The following SNTG1 variants were observed in gnomAD, a reference collection of about 807,000 sequenced individuals.
The protein encoded by SNTG1 is syntrophin gamma 1.
In SNTG1, 39 loss-of-function variants were observed where a neutral mutation model predicts 74.7. The observed-to-expected ratio is 0.52, with a 90% CI of 0.40 to 0.68. The LOEUF (loss-of-function observed/expected upper bound fraction) is 0.68. SNTG1 is among the 30% of genes least tolerant of loss of function. SNTG1 has a pLI of 0.00. For synonymous variants in SNTG1, 254 were observed against 217.1 expected (o/e 1.17, Z -1.49); for missense variants, 685 against 609.5 (o/e 1.12, Z -1.30).
chr8:50,350,805 C>A (rs1053690731), intron 2 of SNTG1, among the ~76,000 whole-genome samples: 2 of 152,138 alleles, frequency 1.3e-5, no homozygotes, highest in Non-Finnish European at 2.9e-5. Context: ...GGATTGTAAA[C>A]GCACCAATCA....
chr8:50,719,841 A>C (rs191969400), intron 17 of SNTG1, among the ~76,000 whole-genome samples: 66 of 152,322 alleles, frequency 4.3e-4, no homozygotes, highest in Admixed American at 4.1e-3. Flanking sequence ...GTTTTAGAAA[A>C]ATTTTAATAG....
At chr8:50,639,902 A>T (rs566570686) in intron 13 of SNTG1, among the ~76,000 whole-genome samples, 1 of 152,100 alleles carries the variant, frequency 6.6e-6, no homozygotes, top group Non-Finnish European at 1.5e-5. Context: ...AGGTGACATG[A>T]TAGGTTTTAC....
At chr8:50,150,523 T>G (rs1297970991) in intron 1 of SNTG1, among the ~76,000 whole-genome samples, 1 of 152,220 alleles carries the variant, frequency 6.6e-6, no homozygotes, top group Non-Finnish European at 1.5e-5. Context: ...TGATATTGGC[T>G]GTGGGTTTGT....
chr8:50,402,597 A>C (rs76972521), intron 4 of SNTG1, among the ~76,000 whole-genome samples: 1 of 152,088 alleles, frequency 6.6e-6, no homozygotes, highest in South Asian at 2.1e-4. Context: ...GATGGGAGTG[A>C]CACTGTATTT....
intron 18 of SNTG1, among the ~76,000 whole-genome samples, chr8:50,784,620 G>T (rs1453399108): frequency 1.3e-5 from 2 of 152,144 alleles, no homozygotes; most frequent in African/African-American, 4.8e-5. Flanking sequence ...TAACTAATGG[G>T]TAGAGCAATT....
intron 2 of SNTG1, among the ~76,000 whole-genome samples, chr8:50,362,424 A>G (rs942921681): frequency 3.3e-5 from 5 of 152,180 alleles, no homozygotes; most frequent in African/African-American, 7.2e-5. Flanking sequence ...GAGGGAAGGG[A>G]GAAGTATTGG....
intron 1 of SNTG1, among the ~76,000 whole-genome samples, chr8:50,085,754 G>T (rs1358250831): frequency 6.6e-6 from 1 of 152,122 alleles, no homozygotes; most frequent in Non-Finnish European, 1.5e-5. Context: ...ACCAAACCCT[G>T]GAACAGTAAA....
At chr8:50,784,744 A>G (rs1470737005) in intron 18 of SNTG1, among the ~76,000 whole-genome samples, 2 of 152,232 alleles carry the variant, frequency 1.3e-5, no homozygotes, top group Non-Finnish European at 2.9e-5. Flanking sequence ...TAACTAAAAT[A>G]TGCTAATATC....
intron 9 of SNTG1, among the ~76,000 whole-genome samples, chr8:50,516,228 C>CA (rs2094132985): frequency 6.6e-6 from 1 of 152,128 alleles, no homozygotes; most frequent in East Asian, 1.9e-4. Flanking sequence ...GAAAAACTAA[C>CA]AAACAGAAAG....
rs1563817609 is a variant in SNTG1, at chr8:50,763,895, ACACACACAC to A, written c.1395+11785_1395+11793del. Among the ~76,000 whole-genome samples the A allele has an allele frequency of 6.6e-4, 82 of 123,718 alleles. 2 individuals carry two copies. Among genetic ancestry groups the A allele is most frequent in the Non-Finnish European group, 3.0e-4 (20 of 66,744 alleles). 81.2% of individuals were successfully genotyped at this position (123,718 alleles called of 152,430 possible). ...CACACACACACACACACACACACAC[ACACACACAC>A]ACAAAAATAACCAAGGCAATTCCTA... On this transcript the variant is annotated intron_variant, in intron 18 of 18. Coordinates refer to ENST00000642720, the MANE Select transcript of SNTG1 (RefSeq NM_018967.5).
chr8:50,116,488 A>G (rs532018728), intron 1 of SNTG1, among the ~76,000 whole-genome samples: 1 of 152,268 alleles, frequency 6.6e-6, no homozygotes, highest in East Asian at 1.9e-4. Context: ...TCTGTGTTGG[A>G]ATGGACTTTA....
intron 8 of SNTG1, among the ~76,000 whole-genome samples, chr8:50,501,600 TA>T (rs1394863985): frequency 7.9e-6 from 1 of 126,596 alleles, no homozygotes; most frequent in African/African-American, 4.1e-5. Flanking sequence ...GAAGACCGGT[TA>T]TTTTTTTTTA....
chr8:50,584,576 G>A (rs149180710), intron 12 of SNTG1, among the ~76,000 whole-genome samples: 92 of 146,544 alleles, frequency 6.3e-4, no homozygotes, highest in Admixed American at 1.2e-3. Context: ...GCAGTGGTGC[G>A]TTCTCGATGA....
chr8:50,632,056 G>C (rs1160696217), intron 13 of SNTG1, among the ~76,000 whole-genome samples: 1 of 152,038 alleles, frequency 6.6e-6, no homozygotes, highest in Non-Finnish European at 1.5e-5. Flanking sequence ...AATAACTACT[G>C]TGCTGTTTAG....
intron 1 of SNTG1, among the ~76,000 whole-genome samples, chr8:49,950,871 T>G (rs1809637090): frequency 6.6e-6 from 1 of 152,222 alleles, no homozygotes; most frequent in Non-Finnish European, 1.5e-5. Context: ...TGTGAAGTTC[T>G]CCTGAAATTC....
chr8:50,732,300 T>C (rs976399930), intron 17 of SNTG1, among the ~76,000 whole-genome samples: 1 of 151,974 alleles, frequency 6.6e-6, no homozygotes, highest in Non-Finnish European at 1.5e-5. Context: ...AAGCTAAAAA[T>C]AAAGTATCTT....
At chr8:49,941,340 C>A (rs1306838170) in intron 1 of SNTG1, among the ~76,000 whole-genome samples, 4 of 151,932 alleles carry the variant, frequency 2.6e-5, no homozygotes, top group Non-Finnish European at 5.9e-5. Flanking sequence ...AACTCCTACA[C>A]CTTTAAGGCT....
chr8:50,703,064 T>C (rs1259185705), intron 15 of SNTG1, among the ~76,000 whole-genome samples: 1 of 152,184 alleles, frequency 6.6e-6, no homozygotes, highest in Non-Finnish European at 1.5e-5. Flanking sequence ...TATACAGCAC[T>C]ATAGACTTTA....
chr8:50,695,541 C>G (rs1472494128), intron 15 of SNTG1, among the ~76,000 whole-genome samples: 1 of 151,384 alleles, frequency 6.6e-6, no homozygotes, highest in African/African-American at 2.4e-5. Context: ...TTCTTACATG[C>G]ATATATTGTG....
Sources: allele counts gnomAD v4.1 joint callset (sites outside exome capture counted in the v4.1 genomes callset), GRCh38; gene constraint gnomAD v4.1.1; transcripts MANE v1.5; gene names NCBI Gene and HGNC (gene_info 2026-07-23, HGNC 2026-07-21).